Variants in GNL3L observed in about 807,000 individuals in gnomAD.
The protein encoded by GNL3L is G protein nucleolar 3 like.
GNL3L carries 4 observed loss-of-function variants against 42.9 expected under a neutral mutation model. The observed-to-expected ratio is 0.09, with a 90% CI of 0.05 to 0.21. The LOEUF is 0.21. Ranked by LOEUF, GNL3L falls within the 10% of genes least tolerant of loss-of-function variation. GNL3L has a pLI of 1.00. For synonymous variants in GNL3L, 159 were observed against 176.3 expected, an observed-to-expected ratio of 0.90 and a Z score of 0.78; for missense variants, 412 against 481.7, an observed-to-expected ratio of 0.86 and a Z score of 1.36.
intron 16 of GNL3L, among the ~76,000 whole-genome samples, chrX:54,611,938 A>G (rs1202305962): frequency 2.7e-5 from 3 of 112,159 alleles, no homozygotes; most frequent in South Asian, 3.7e-4. Context: ...TGTTAAGTCA[A>G]TTTGTTCCAA....
At position 54,565,824 on chromosome X, in the gene GNL3L, GTTT is replaced by G. The variant is rs766645013; in HGVS notation, c.*5241_*5243del. On this transcript the variant is annotated 3_prime_UTR_variant, in exon 16 of 16. Transcript: ENST00000360845. ...AGGATTATATGCTGGATACAGGGGTGTTTTTTTTTTTTTTTTTTTTTGAAACAG... is the reference window on the plus strand; with the variant it reads ...AGGATTATATGCTGGATACAGGGGTGTTTTTTTTTTTTTTTTTTGAAACAG... Among the ~76,000 whole-genome samples the G allele has an allele frequency of 2.9e-5, 2 of 67,883 alleles. No homozygotes were observed. Among genetic ancestry groups the G allele is most frequent in the African/African-American group, 7.4e-5 (1 of 13,441 alleles). The allele number at this position is 67,883 out of a possible 115,157, so 58.9% of individuals were successfully genotyped here. A position where few individuals can be genotyped will look rare whatever the true frequency, so the allele number is the denominator to read the frequency against.
rs1925354817 is a variant in GNL3L at position 54,564,310 on chromosome X, C to T, written c.*3708C>T. Reference sequence around the variant, plus strand: ...CAAGGTACAGAACAGTCCTCTTAGCCTCTCCCTACCAAATTTATTCCTGCT... The same window carrying T: ...CAAGGTACAGAACAGTCCTCTTAGCTTCTCCCTACCAAATTTATTCCTGCT... On this transcript the variant is annotated 3_prime_UTR_variant, in exon 16 of 16. Coordinates refer to ENST00000360845, the MANE Select transcript of GNL3L (RefSeq NM_001184819.2). Among the ~76,000 whole-genome samples, 1 of 110,433 alleles carries T rather than the reference C, an allele frequency of 9.1e-6. No homozygotes were observed. Among genetic ancestry groups the T allele is most frequent in the Non-Finnish European group, 1.9e-5 (1 of 52,908 alleles).
At chrX:54,591,828 G>C (rs1925875481) in intron 16 of GNL3L, among the ~76,000 whole-genome samples, 1 of 110,970 alleles carries the variant, frequency 9.0e-6, no homozygotes, top group Non-Finnish European at 1.9e-5. Context: ...TAAATTTAAG[G>C]ATTTTTTTTT....
intron 2 of GNL3L, among the ~76,000 whole-genome samples, chrX:54,537,425 C>G (rs939819815): frequency 9.0e-6 from 1 of 111,389 alleles, no homozygotes; most frequent in Non-Finnish European, 1.9e-5. Context: ...ATTATTGCTT[C>G]TCCATTTGTA....
chrX:54,621,690 C>T (rs924499538), downstream of GNL3L, among the ~76,000 whole-genome samples: 1 of 111,275 alleles, frequency 9.0e-6, no homozygotes, highest in Admixed American at 9.5e-5. Flanking sequence ...CCCATAGTCC[C>T]AGCTACTTGG....
chrX:54,541,120 A>T (rs1025507143), intron 4 of GNL3L, among the ~76,000 whole-genome samples, 153 bp from the exon 5 acceptor site: 1 of 110,622 alleles, frequency 9.0e-6, no homozygotes, highest in Non-Finnish European at 1.9e-5. Flanking sequence ...TCTTCTTCTC[A>T]AACCCTCATC....
At chrX:54,558,764 C>G (rs1925175443) in intron 15 of GNL3L, 109 bp downstream of exon 15, 5 of 524,141 alleles carry the variant, frequency 9.5e-6, no homozygotes, top group Non-Finnish European at 1.6e-5. Flanking sequence ...TCAAGCGATT[C>G]TCCTGCCTCA....
intron 5 of GNL3L, among the ~76,000 whole-genome samples, chrX:54,541,916 C>T (rs776988505): frequency 2.7e-5 from 3 of 110,408 alleles, no homozygotes; most frequent in African/African-American, 9.9e-5. Context: ...TTCACACCTC[C>T]CTCCTCCATC....
At chrX:54,530,553 T>C (rs1924213752) in intron 1 of GNL3L, 134 bp downstream of exon 1, 1 of 111,857 alleles carries the variant, frequency 8.9e-6, no homozygotes, top group African/African-American at 3.2e-5. Flanking sequence ...CCATCCCACC[T>C]AGAAAGGTGT....
the GNL3L span, among the ~76,000 whole-genome samples, chrX:54,642,041 A>G: frequency 8.9e-6 from 1 of 112,064 alleles, no homozygotes; most frequent in South Asian, 3.7e-4. Context: ...CTTTATCTGT[A>G]CTTCACTTCC....
Position 54,611,842 on chromosome X carries a change from G to A in GNL3L, c.*46-9003G>A, listed in dbSNP as rs923305334. Among the ~76,000 whole-genome samples the A allele has an allele frequency of 7.2e-5, 8 of 111,814 alleles. No individual in the cohort carries two copies. In the East Asian group the frequency reaches 1.4e-3, roughly 20 times the overall value. On this transcript the variant is annotated intron_variant, in intron 16 of 16. Transcript: ENST00000674498. ...ACTGAGGCTAATTTTATGGCCTATC[G>A]TATGGTCTACCTTGGAGAAAGTTCC...
chrX:54,593,534 T>C (rs1418514724), intron 16 of GNL3L, among the ~76,000 whole-genome samples: 2 of 110,713 alleles, frequency 1.8e-5, no homozygotes, highest in Non-Finnish European at 3.8e-5. Context: ...TAAAGGTTTG[T>C]CAATTTTTAT....
rs376218918 is a variant in GNL3L, at chrX:54,539,086, T to C, written c.66T>C (p.Ser22=). The C allele has an allele frequency of 5.3e-6, 6 of 1,136,310 alleles. No homozygotes were observed. In the African/African-American group the frequency reaches 1.1e-4, roughly 20 times the overall value. 93.6% of individuals were successfully genotyped at this position (1,136,310 alleles called of 1,213,427 possible). ...GTTCCAAGGGCCACAAGAAGATAAG[T>C]TGGCCCTACCCTCAGGTAAGGTATG... ...GEGSKGHKKI[S]WPYPQPAKQN... The change falls in exon 3 of 16, where the codon AGT becomes AGC. Residue 22 remains serine, a synonymous_variant. Coordinates refer to ENST00000360845, the MANE Select transcript of GNL3L (RefSeq NM_001184819.2).
chrX:54,543,930 G>T, intron 7 of GNL3L: 1 of 249,461 alleles, frequency 4.0e-6, no homozygotes, highest in Non-Finnish European at 7.1e-6. Flanking sequence ...TATTTGGGGG[G>T]TCTCTGATGC....
intron 2 of GNL3L, among the ~76,000 whole-genome samples, chrX:54,535,715 T>C (rs1014774614): frequency 8.9e-6 from 1 of 111,745 alleles, no homozygotes; most frequent in Admixed American, 9.6e-5. Context: ...ATTTGGTATT[T>C]CAGTTCTGAG....
At chrX:54,636,137 A>G in the GNL3L span, among the ~76,000 whole-genome samples, 2 of 112,007 alleles carry the variant, frequency 1.8e-5, no homozygotes, top group East Asian at 5.6e-4. Context: ...GTGAAGTGAA[A>G]CACAGATGAA....
At chrX:54,625,690 A>G (rs748627693), downstream of GNL3L, among the ~76,000 whole-genome samples, 1 of 111,270 alleles carries the variant, frequency 9.0e-6, no homozygotes, top group African/African-American at 3.3e-5. Flanking sequence ...ATTGGAAATA[A>G]CTAAAATATC....
chrX:54,547,430 C>T lies in GNL3L; in HGVS notation c.631-799C>T, dbSNP rs192457694. ...TATTGGAAACAATGCTGTGGCTGGG[C>T]GTGGTGGCTCATGCCCGTAATCCCA... On this transcript the variant is annotated intron_variant, in intron 8 of 15. Transcript: ENST00000360845. 6.3e-3 allele frequency among the ~76,000 whole-genome samples: 691 copies of T among 110,469 alleles called. 17 individuals carry two copies. The highest frequency in any genetic ancestry group is 0.06 in the Admixed American group (617 of 10,337).
chrX:54,533,710 G>T (rs1601974545), intron 2 of GNL3L, among the ~76,000 whole-genome samples: 1 of 110,698 alleles, frequency 9.0e-6, no homozygotes, highest in Non-Finnish European at 1.9e-5. Flanking sequence ...TGATCCGCCT[G>T]CCTTGGCCTC....
Sources: allele counts gnomAD v4.1 joint callset (sites outside exome capture counted in the v4.1 genomes callset), GRCh38; gene constraint gnomAD v4.1.1; transcripts MANE v1.5; gene names NCBI Gene and HGNC (gene_info 2026-07-23, HGNC 2026-07-21).